TRMT11: variants seen among roughly 807,000 people sequenced by gnomAD.
TRMT11 encodes the protein tRNA (guanine(10)-N(2))-methyltransferase TRMT11.
In TRMT11, 53 loss-of-function variants were observed where a neutral mutation model predicts 62.8. The observed-to-expected ratio is 0.84, with a 90% confidence interval of 0.68 to 1.06. The LOEUF (loss-of-function observed/expected upper bound fraction) is 1.06. Ranked by LOEUF, TRMT11 falls within the 50% of genes least tolerant of loss-of-function variation. The pLI, the probability that TRMT11 is intolerant of heterozygous loss-of-function variation, is 0.00. For missense variants in TRMT11, 556 were observed against 553.4 expected, an observed-to-expected ratio of 1.00 and a Z score of -0.05; for synonymous variants, 188 against 190.3, an observed-to-expected ratio of 0.99 and a Z score of 0.10.
At chr6:126,075,331 C>A (rs937258722) in intron 17 of TRMT11, among the ~76,000 whole-genome samples, 1 of 152,106 alleles carries the variant, frequency 6.6e-6, no homozygotes, top group Non-Finnish European at 1.5e-5. Context: ...GTCCCCACCC[C>A]AATCTCATGT....
chr6:126,017,555 CT>C (rs1050084794), intron 11 of TRMT11, among the ~76,000 whole-genome samples: 48 of 152,264 alleles, frequency 3.2e-4, no homozygotes, highest in African/African-American at 1.1e-3. Context: ...CATTTTATGT[CT>C]TTTCACTTTT....
intron 17 of TRMT11, among the ~76,000 whole-genome samples, chr6:126,079,499 A>G (rs1342175549): frequency 6.6e-6 from 1 of 152,188 alleles, no homozygotes; most frequent in Non-Finnish European, 1.5e-5. Context: ...GAAAGCCCAC[A>G]AGATATCTTC....
intron 17 of TRMT11, among the ~76,000 whole-genome samples, chr6:126,110,228 T>A (rs1209051613): frequency 6.6e-6 from 1 of 152,122 alleles, no homozygotes; most frequent in Non-Finnish European, 1.5e-5. Flanking sequence ...GAAAATTTCT[T>A]GCTTTCAAGG....
chr6:126,232,336 G>A, the TRMT11 span, among the ~76,000 whole-genome samples: 1 of 151,940 alleles, frequency 6.6e-6, no homozygotes, highest in Non-Finnish European at 1.5e-5. Flanking sequence ...AATGAGCACT[G>A]AATAGAAGAA....
At chr6:126,209,233 C>G in the TRMT11 span, among the ~76,000 whole-genome samples, 1 of 152,116 alleles carries the variant, frequency 6.6e-6, no homozygotes, top group African/African-American at 2.4e-5. Flanking sequence ...AGATCACTGA[C>G]TGGAACGACT....
the TRMT11 span, among the ~76,000 whole-genome samples, chr6:126,229,579 C>T: frequency 6.6e-6 from 1 of 152,182 alleles, no homozygotes; most frequent in Non-Finnish European, 1.5e-5. Context: ...ATAAAACAGC[C>T]AATCCTTGAA....
At chr6:126,205,944 C>T (rs538846408), downstream of TRMT11, among the ~76,000 whole-genome samples, 16 of 151,596 alleles carry the variant, frequency 1.1e-4, no homozygotes, top group African/African-American at 1.5e-4. Flanking sequence ...CACACATGCG[C>T]GCACACACAC....
At chr6:126,198,270 A>T (rs759977046) in intron 1 of TRMT11, among the ~76,000 whole-genome samples, 11 of 152,180 alleles carry the variant, frequency 7.2e-5, no homozygotes, top group Middle Eastern at 3.2e-3. Context: ...AGGGTCAGAA[A>T]TGGAGGAAAC....
chr6:126,183,992 A>G lies in TRMT11; in HGVS notation n.143+6657A>G, dbSNP rs575408303. ...CTGGAAAATGAGATAATTGGATGAG[A>G]TGTCATTTTGGTCTTGAAAATGACT... is the stretch of plus-strand genomic sequence containing the variant. On this transcript the variant is annotated intron_variant and non_coding_transcript_variant, in intron 1 of 3. Coordinates refer to the TRMT11 transcript ENST00000444229. Among the ~76,000 whole-genome samples the G allele has an allele frequency of 1.5e-3, 228 of 152,236 alleles. 2 individuals are homozygous for G. Among genetic ancestry groups the G allele is most frequent in the Middle Eastern group, 6.8e-3 (2 of 294 alleles).
intron 3 of TRMT11, among the ~76,000 whole-genome samples, chr6:126,201,540 T>C (rs777616685): frequency 7.2e-5 from 11 of 152,178 alleles, no homozygotes; most frequent in Non-Finnish European, 1.5e-4. Context: ...AATGGACACA[T>C]TAAATTATAG....
chr6:126,006,615 C>T (rs1793395353), intron 7 of TRMT11, among the ~76,000 whole-genome samples: 1 of 151,254 alleles, frequency 6.6e-6, no homozygotes, highest in South Asian at 2.1e-4. Flanking sequence ...TTTTAGCACC[C>T]CTTCTTCCAC....
chr6:126,116,150 C>T (rs1289105580), intron 21 of TRMT11, among the ~76,000 whole-genome samples: 1 of 151,752 alleles, frequency 6.6e-6, no homozygotes, highest in Non-Finnish European at 1.5e-5. Flanking sequence ...ACAACCAGTG[C>T]TCTGCAACAA....
At chr6:126,141,963 A>G (rs1379801173) in intron 21 of TRMT11, among the ~76,000 whole-genome samples, 3 of 152,076 alleles carry the variant, frequency 2.0e-5, no homozygotes, top group Non-Finnish European at 4.4e-5. Context: ...TCTCCTCATA[A>G]GAACATTTGT....
At position 126,159,713 on chromosome 6, in the gene TRMT11, C is replaced by T. The variant is rs546693938; in HGVS notation, c.*1824-15112C>T. 2.9e-4 allele frequency among the ~76,000 whole-genome samples: 44 copies of T among 152,280 alleles called. 1 individual carries two copies. The South Asian group carries it at 8.9e-3, about 31-fold the overall frequency. ...GTTCTAGAGGCCAGAAATCCAAAATCAAGGACTGTGGTCCCTCTGAAACCT... is the reference window on the plus strand; with the variant it reads ...GTTCTAGAGGCCAGAAATCCAAAATTAAGGACTGTGGTCCCTCTGAAACCT... On this transcript the variant is annotated intron_variant and NMD_transcript_variant, in intron 21 of 22. Transcript: ENST00000648977.
chr6:126,211,985 T>TA, the TRMT11 span, among the ~76,000 whole-genome samples: 2 of 152,206 alleles, frequency 1.3e-5, no homozygotes, highest in Non-Finnish European at 2.9e-5. Context: ...TCAATTGCTT[T>TA]AATTTTTAGC....
chr6:126,112,107 T>G (rs1261852124), intron 17 of TRMT11, among the ~76,000 whole-genome samples: 3 of 152,140 alleles, frequency 2.0e-5, no homozygotes, highest in Non-Finnish European at 2.9e-5. Context: ...TGGAGTATAT[T>G]CTGCAGAAGA....
intron 21 of TRMT11, among the ~76,000 whole-genome samples, chr6:126,166,890 T>A (rs1233414261): frequency 6.6e-6 from 1 of 152,096 alleles, no homozygotes; most frequent in Non-Finnish European, 1.5e-5. Flanking sequence ...AGTTCGAACT[T>A]CCTGGAGGCT....
chr6:126,218,504 C>T, the TRMT11 span, among the ~76,000 whole-genome samples: 1 of 152,200 alleles, frequency 6.6e-6, no homozygotes, highest in African/African-American at 2.4e-5. Context: ...CAGGGTATAG[C>T]TAGAAATATC....
chr6:126,122,581 G>A (rs1436870657), intron 21 of TRMT11, among the ~76,000 whole-genome samples: 1 of 152,134 alleles, frequency 6.6e-6, no homozygotes, highest in Non-Finnish European at 1.5e-5. Flanking sequence ...CCAGAAGGAA[G>A]GAATGCATGT....
Sources: allele counts gnomAD v4.1 joint callset (sites outside exome capture counted in the v4.1 genomes callset), GRCh38; gene constraint gnomAD v4.1.1; transcripts MANE v1.5; gene names NCBI Gene and HGNC (gene_info 2026-07-23, HGNC 2026-07-21).